Variants in DLG2 observed in about 807,000 individuals in gnomAD.
DLG2 encodes the protein discs large MAGUK scaffold protein 2.
DLG2 carries 45 observed loss-of-function variants against 132.5 expected under a neutral mutation model. The observed-to-expected ratio is 0.34, with a 90% CI of 0.27 to 0.44. The LOEUF is 0.44. Among genes scored for constraint, DLG2 ranks in the 20% least tolerant of loss-of-function variants. DLG2 has a pLI of 1.00. For missense variants in DLG2, 1,045 were observed against 1,196.9 expected (o/e 0.87, Z 1.87); for synonymous variants, 424 against 419.6 (o/e 1.01, Z -0.13).
chr11:84,612,067 A>G (rs1274229003), intron 6 of DLG2, among the ~76,000 whole-genome samples: 1 of 152,122 alleles, frequency 6.6e-6, no homozygotes, highest in African/African-American at 2.4e-5. Flanking sequence ...CATTGCTCTC[A>G]AAAGTTTCCT....
At chr11:84,855,576 A>G (rs2082677313) in intron 6 of DLG2, among the ~76,000 whole-genome samples, 3 of 152,010 alleles carry the variant, frequency 2.0e-5, no homozygotes, top group African/African-American at 7.2e-5. Flanking sequence ...ATCTTCTCTC[A>G]TTATTAAAAC....
chr11:85,412,756 CACACATATAT>C (rs1227445763), intron 3 of DLG2, among the ~76,000 whole-genome samples: 1 of 123,368 alleles, frequency 8.1e-6, no homozygotes, highest in African/African-American at 3.4e-5. Flanking sequence ...CACACACACA[CACACATATAT>C]ATATATATAT....
At chr11:84,267,613 C>A (rs2097658221) in intron 7 of DLG2, among the ~76,000 whole-genome samples, 1 of 152,190 alleles carries the variant, frequency 6.6e-6, no homozygotes, top group South Asian at 2.1e-4. Flanking sequence ...GCAGGGCAGG[C>A]CGTCTGATAA....
At chr11:84,208,419 C>T (rs189793794) in intron 8 of DLG2, among the ~76,000 whole-genome samples, 23 of 149,544 alleles carry the variant, frequency 1.5e-4, no homozygotes, top group African/African-American at 5.0e-4. Flanking sequence ...TCTCAGCCTA[C>T]GGCAACCTCT....
At chr11:84,698,792 G>A (rs902262038) in intron 6 of DLG2, among the ~76,000 whole-genome samples, 10 of 151,150 alleles carry the variant, frequency 6.6e-5, no homozygotes, top group Middle Eastern at 3.4e-3. Flanking sequence ...ATACTGTTGC[G>A]TTTTTTTTGT....
At chr11:84,171,921 C>G (rs1305504692) in intron 8 of DLG2, among the ~76,000 whole-genome samples, 1 of 152,126 alleles carries the variant, frequency 6.6e-6, no homozygotes, top group Admixed American at 6.5e-5. Flanking sequence ...TGTCCCTTCT[C>G]CTAGACTATC....
At chr11:83,826,247 C>T (rs2052737590) in intron 17 of DLG2, among the ~76,000 whole-genome samples, 1 of 152,184 alleles carries the variant, frequency 6.6e-6, no homozygotes. Flanking sequence ...TCAGGCCCTG[C>T]TGAATACCCA....
At chr11:84,816,408 A>T (rs1156257590) in intron 6 of DLG2, among the ~76,000 whole-genome samples, 4 of 151,720 alleles carry the variant, frequency 2.6e-5, no homozygotes, top group South Asian at 2.1e-4. Context: ...ACATACACAG[A>T]GACTGTTTTA....
At chr11:84,600,619 A>G (rs1289755492) in intron 6 of DLG2, among the ~76,000 whole-genome samples, 1 of 152,174 alleles carries the variant, frequency 6.6e-6, no homozygotes, top group Admixed American at 6.5e-5. Flanking sequence ...TTATTTTTTC[A>G]AATTCATTCT....
Position 84,781,027 on chromosome 11 carries a change from C to A in DLG2, c.358-246296G>T, listed in dbSNP as rs189030640. On this transcript the variant is annotated intron_variant, in intron 6 of 27. Coordinates refer to ENST00000376104, the MANE Select transcript of DLG2 (RefSeq NM_001142699.3). ...AAAAAAAAAAAAAGCGACAAGACTT[C>A]ATTGTCTGCCAAAAGTTCATCATAA... Among the ~76,000 whole-genome samples the A allele has an allele frequency of 2.8e-5, 4 of 143,342 alleles. No individual in the cohort carries two copies. In the East Asian group the frequency reaches 8.1e-4, roughly 29 times the overall value. 94.0% of individuals were successfully genotyped at this position (143,342 alleles called of 152,430 possible).
intron 6 of DLG2, among the ~76,000 whole-genome samples, chr11:84,917,607 C>A (rs180962892): frequency 2.0e-5 from 3 of 152,212 alleles, no homozygotes; most frequent in Non-Finnish European, 2.9e-5. Flanking sequence ...TGAGAAAATA[C>A]ATTCAAACTT....
intron 3 of DLG2, among the ~76,000 whole-genome samples, chr11:85,396,060 C>T (rs1037980590): frequency 2.6e-5 from 4 of 152,168 alleles, no homozygotes; most frequent in African/African-American, 9.7e-5. Context: ...TGGGACGATG[C>T]TTCCAGAAGA....
chr11:85,237,124 C>T (rs780368929), intron 4 of DLG2, among the ~76,000 whole-genome samples: 1 of 152,016 alleles, frequency 6.6e-6, no homozygotes, highest in Non-Finnish European at 1.5e-5. Flanking sequence ...ACTGATTAAG[C>T]GAATGTCACC....
At chr11:85,514,016 T>C (rs932836459) in intron 3 of DLG2, among the ~76,000 whole-genome samples, 28 of 151,966 alleles carry the variant, frequency 1.8e-4, no homozygotes, top group Admixed American at 1.8e-3. Flanking sequence ...CTTCTGGGTG[T>C]TTTTCCAACT....
chr11:85,618,544 A>C (rs546301254), intron 2 of DLG2, among the ~76,000 whole-genome samples: 1 of 152,188 alleles, frequency 6.6e-6, no homozygotes, highest in East Asian at 1.9e-4. Flanking sequence ...ATGTTCTTAC[A>C]AGTGGGAACT....
chr11:84,408,679 A>G (rs1049567911), intron 7 of DLG2, among the ~76,000 whole-genome samples: 1 of 152,240 alleles, frequency 6.6e-6, no homozygotes, highest in Non-Finnish European at 1.5e-5. Context: ...TCATGGAAGC[A>G]AGCACATCTG....
intron 7 of DLG2, among the ~76,000 whole-genome samples, chr11:84,267,236 TTA>T (rs938787857): frequency 1.7e-3 from 51 of 30,418 alleles, no homozygotes; most frequent in East Asian, 5.5e-3. Context: ...AAAGTATAGA[TTA>T]AAGTAGTTGG....
At chr11:85,031,484 C>G (rs1158463785) in intron 6 of DLG2, among the ~76,000 whole-genome samples, 1 of 151,820 alleles carries the variant, frequency 6.6e-6, no homozygotes. Flanking sequence ...TGGTTTGGTC[C>G]TTTCTTTTTT....
chr11:84,625,138 G>T (rs1328193501), intron 6 of DLG2, among the ~76,000 whole-genome samples: 1 of 151,852 alleles, frequency 6.6e-6, no homozygotes, highest in East Asian at 1.9e-4. Flanking sequence ...GGGATTACAG[G>T]CGTGAGCCAC....
Sources: gnomAD v4.1 joint callset for allele counts (sites outside exome capture counted in the v4.1 genomes callset) on GRCh38, gnomAD v4.1.1 for gene constraint, MANE v1.5 for transcripts, NCBI Gene and HGNC (gene_info 2026-07-23, HGNC 2026-07-21) for gene names.